NUMA1: variants seen among roughly 807,000 people sequenced by gnomAD.
NUMA1 encodes nuclear mitotic apparatus protein 1, also known as SP-H antigen.
Under a neutral mutation model 237.1 loss-of-function variants are expected in NUMA1, and 62 were observed. The observed-to-expected ratio is 0.26, with a 90% CI of 0.21 to 0.32. The LOEUF (loss-of-function observed/expected upper bound fraction) is 0.32. Ranked by LOEUF, NUMA1 falls within the 10% of genes least tolerant of loss-of-function variation. NUMA1 has a pLI of 1.00. For missense variants in NUMA1, 2,533 were observed against 2,666.5 expected, an observed-to-expected ratio of 0.95 and a Z score of 1.10; for synonymous variants, 1,028 against 1,066.1, an observed-to-expected ratio of 0.96 and a Z score of 0.70.
At chr11:72,045,733 G>A (rs1175892485) in intron 2 of NUMA1, among the ~76,000 whole-genome samples, 1 of 152,144 alleles carries the variant, frequency 6.6e-6, no homozygotes, top group Non-Finnish European at 1.5e-5. Flanking sequence ...GCCTGCTTCA[G>A]CCTCCCAAAG....
intron 2 of NUMA1, chr11:72,049,560 A>AATAAT (rs1555034473): frequency 2.4e-5 from 1 of 41,004 alleles, no homozygotes; most frequent in Non-Finnish European, 4.9e-5. Context: ...AAATAATAAT[A>AATAAT]ATATATATAT....
chr11:72,010,960 C>G, intron 16 of NUMA1, 106 bp from the exon 17 acceptor site: 1 of 1,003,410 alleles, frequency 1.0e-6, no homozygotes, highest in Non-Finnish European at 1.6e-6. Context: ...CCCCAGTGTT[C>G]CTAGAATAAA....
chr11:72,008,700 A>G lies in NUMA1; in HGVS notation c.5204T>C (p.Leu1735Pro). 6.2e-7 allele frequency: 1 copy of G among 1,614,120 alleles called. No individual in the cohort carries two copies. Among genetic ancestry groups the G allele is most frequent in the Non-Finnish European group, 8.5e-7 (1 of 1,180,030 alleles). ...LDLSCEEGTP[L>P]SITSKLPRTQ... is the part of the protein sequence containing the mutation. The stretch of plus-strand genomic sequence containing the variant: ...GCTGCCTCCTGACCTGGTGATACTG[A>G]GTGGGGTCCCCTCCTCGCAGCTCAG... The change falls in exon 20 of 27, where the codon CTC becomes CCC. Residue 1735 changes from leucine to proline, a missense_variant. Physicochemically the swap from Leu to Pro is moderately conservative, Grantham distance 98. Around this residue, in one of 3 missense-constraint regions of NUMA1, gnomAD observed 795 missense variants for 750.8 expected, o/e 1.06. Coordinates refer to ENST00000393695, the MANE Select transcript of NUMA1 (RefSeq NM_006185.4).
intron 2 of NUMA1, chr11:72,050,629 T>C (rs1418946087): frequency 6.6e-6 from 1 of 152,160 alleles, no homozygotes; most frequent in African/African-American, 2.4e-5. Context: ...ATTTTATAAA[T>C]TAGGAACGTA....
At chr11:72,060,706 T>C (rs976221930) in intron 2 of NUMA1, among the ~76,000 whole-genome samples, 5 of 152,068 alleles carry the variant, frequency 3.3e-5, no homozygotes, top group Non-Finnish European at 7.4e-5. Flanking sequence ...AGCTCAGGTC[T>C]GGGCACAGTG....
Position 72,006,206 on chromosome 11 carries a change from C to T in NUMA1, c.5521G>A (p.Ala1841Thr), listed in dbSNP as rs1220717026. Residue 1841 changes from alanine (A) to threonine (T), a missense_variant, in exon 22 of 27, where the codon GCT becomes ACT. Transcript: ENST00000393695. Reference sequence around the variant, plus strand: ...CGCAGGCTAGCCTGGGAAGCAGGAGCAGACCGCGTGCTGTAGAACGATGAG... The same window carrying T: ...CGCAGGCTAGCCTGGGAAGCAGGAGTAGACCGCGTGCTGTAGAACGATGAG... Reference protein sequence around the residue: ...ANSSFYSTRSAPASQASLRAT... With the variant: ...ANSSFYSTRSTPASQASLRAT... 10 of 1,614,168 alleles carry T rather than the reference C, an allele frequency of 6.2e-6. No homozygotes were observed. Among genetic ancestry groups the T allele is most frequent in the Admixed American group, 1.7e-5 (1 of 60,026 alleles).
At chr11:72,025,568 C>G (rs1049932852) in intron 4 of NUMA1, among the ~76,000 whole-genome samples, 7 of 152,164 alleles carry the variant, frequency 4.6e-5, no homozygotes, top group African/African-American at 1.7e-4. Flanking sequence ...AGTTAGAAAG[C>G]TGAATTCTCT....
At chr11:72,055,781 A>G (rs2136088238) in intron 2 of NUMA1, among the ~76,000 whole-genome samples, 1 of 151,462 alleles carries the variant, frequency 6.6e-6, no homozygotes, top group Admixed American at 6.6e-5. Flanking sequence ...GGAATTCAAG[A>G]CCAGCCTGGG....
In NUMA1 at chr11:72,009,389, T is replaced by G; in HGVS notation, c.4720-2A>C. ...CTCGCCTCCCTGAGCCTGGACAGCC[T>G]GAGAAGAAAGGCCACTCAGGAAAGC... On this transcript the variant is annotated splice_acceptor_variant, in intron 17 of 26. Coordinates refer to ENST00000393695, the MANE Select transcript of NUMA1 (RefSeq NM_006185.4). LOFTEE classifies it high-confidence loss of function. The G allele has an allele frequency of 6.2e-7, 1 of 1,600,392 alleles. No homozygotes were observed. Among genetic ancestry groups the G allele is most frequent in the Non-Finnish European group, 8.5e-7 (1 of 1,176,678 alleles).
rs200459440 is a variant in NUMA1 at position 72,013,301 on chromosome 11, C to T, written c.4202G>A (p.Arg1401Gln). ...AAGGLRAELL[R>Q]AQRELGELIP... ...CAGCTCCCCAAGCTCCCGCTGGGCC[C>T]GCAGCAGCTCTGCCCGCAGTCCCCC... The change falls in exon 15 of 27, where the codon CGG (arginine) becomes CAG (glutamine). Residue 1401 changes from arginine (R) to glutamine (Q), a missense_variant. Physicochemically the swap from Arg to Gln is conservative, Grantham distance 43 (BLOSUM62 1). Coordinates refer to ENST00000393695, the MANE Select transcript of NUMA1 (RefSeq NM_006185.4). The surrounding 1 kb of genome is among the most constrained non-coding windows in gnomAD (Gnocchi z 6.8). The T allele has an allele frequency of 1.3e-4, 212 of 1,604,726 alleles. No homozygotes were observed. Among genetic ancestry groups the T allele is most frequent in the South Asian group, 4.4e-5 (4 of 91,050 alleles).
intron 2 of NUMA1, among the ~76,000 whole-genome samples, chr11:72,050,154 C>A (rs1437424660): frequency 6.6e-6 from 1 of 152,178 alleles, no homozygotes; most frequent in African/African-American, 2.4e-5. Context: ...CGAGGAACTA[C>A]AAGGCAGCTT....
intron 16 of NUMA1, among the ~76,000 whole-genome samples, chr11:72,011,674 T>C (rs1315239494): frequency 6.6e-6 from 1 of 152,106 alleles, no homozygotes; most frequent in Non-Finnish European, 1.5e-5. Context: ...AGGAGAGTGA[T>C]GGAGAAAGGG....
chr11:72,026,930 G>A (rs577593015), intron 4 of NUMA1, among the ~76,000 whole-genome samples: 2 of 152,122 alleles, frequency 1.3e-5, no homozygotes, highest in Non-Finnish European at 2.9e-5. Flanking sequence ...TTTCAATATC[G>A]CCTACCTCCA....
At position 72,024,265 on chromosome 11, in the gene NUMA1, G is replaced by T; in HGVS notation, c.208+9C>A. ...AGCTTCTTCATAGCTGGATAAGAAAGGTGCTTACTCTGCAGAAAACTGCAC... is the reference window on the plus strand; with the variant it reads ...AGCTTCTTCATAGCTGGATAAGAAATGTGCTTACTCTGCAGAAAACTGCAC... On this transcript the variant is annotated intron_variant, in intron 5 of 26. Transcript: ENST00000393695. 6.2e-7 allele frequency: 1 copy of T among 1,613,652 alleles called. No homozygotes were observed. Among genetic ancestry groups the T allele is most frequent in the South Asian group, 1.1e-5 (1 of 91,072 alleles).
At chr11:72,042,566 A>G (rs781111014) in intron 2 of NUMA1, among the ~76,000 whole-genome samples, 5 of 152,170 alleles carry the variant, frequency 3.3e-5, no homozygotes, top group Non-Finnish European at 7.4e-5. Context: ...AGGAAGAGAA[A>G]GCAGAGAGGA....
chr11:72,003,430 G>A lies in NUMA1; in HGVS notation c.*97C>T. On this transcript the variant is annotated 3_prime_UTR_variant, in exon 27 of 27. Transcript: ENST00000393695. The stretch of plus-strand genomic sequence containing the variant: ...CTAGGGGTTTGGCTACTGTTGGCCT[G>A]GGAGCTGAGAGAAGGCACTGAGAGG... 8.1e-7 allele frequency: 1 copy of A among 1,228,312 alleles called. No individual in the cohort carries two copies. The highest frequency in any genetic ancestry group is 1.2e-6 in the Non-Finnish European group (1 of 827,970). 76.1% of individuals were successfully genotyped at this position (1,228,312 alleles called of 1,614,324 possible). A position where few individuals can be genotyped will look rare whatever the true frequency, so the allele number is the denominator to read the frequency against.
At position 72,023,159 on chromosome 11, in the gene NUMA1, A is replaced by C. The variant is rs755524273; in HGVS notation, c.209-12T>G. On this transcript the variant is annotated splice_polypyrimidine_tract_variant and intron_variant, in intron 5 of 26. Coordinates refer to ENST00000393695, the MANE Select transcript of NUMA1 (RefSeq NM_006185.4). Reference sequence around the variant, plus strand: ...ATGTTTTCGATTTTCTGCAATGACAACAACGTAGAAAACAGGGTGAACTTC... The same window carrying C: ...ATGTTTTCGATTTTCTGCAATGACACCAACGTAGAAAACAGGGTGAACTTC... The C allele has an allele frequency of 1.3e-6, 2 of 1,594,700 alleles. No individual in the cohort carries two copies. The highest frequency in any genetic ancestry group is 2.7e-5 in the African/African-American group (2 of 74,538).
At chr11:72,051,086 G>A (rs116627967) in intron 2 of NUMA1, among the ~76,000 whole-genome samples, 3,575 of 152,004 alleles carry the variant, frequency 0.024, 146 homozygotes, top group African/African-American at 0.081. Flanking sequence ...ATGAAGTCTC[G>A]CTATGTTGCC....
Position 72,004,093 on chromosome 11 carries a change from G to T in NUMA1, c.6130C>A (p.Arg2044=). Residue 2044 remains arginine (R), a synonymous_variant, in exon 26 of 27, where the codon CGG becomes AGG. Transcript: ENST00000393695. ...ATGCTGAAGGCCATCGACTGGCGCCGGTCAGCCTGCAAGGAAGGGCTGTCA... is the reference window on the plus strand; with the variant it reads ...ATGCTGAAGGCCATCGACTGGCGCCTGTCAGCCTGCAAGGAAGGGCTGTCA... The part of the protein sequence containing the change: ...AAPASTKQAD[R]RQSMAFSILN... The T allele has an allele frequency of 1.2e-6, 2 of 1,613,100 alleles. No individual in the cohort carries two copies. Among genetic ancestry groups the T allele is most frequent in the Non-Finnish European group, 8.5e-7 (1 of 1,179,680 alleles).
Sources: allele counts gnomAD v4.1 joint callset (sites outside exome capture counted in the v4.1 genomes callset), GRCh38; gene constraint gnomAD v4.1.1; regional missense constraint gnomAD v4.1.1; non-coding constraint Gnocchi (gnomAD v3.1); transcripts MANE v1.5; gene names NCBI Gene and HGNC (gene_info 2026-07-23, HGNC 2026-07-21).